The following LPA variants were observed in gnomAD, a reference collection of about 807,000 sequenced individuals.
LPA encodes apolipoprotein(a).
Under a neutral mutation model 197.9 loss-of-function variants are expected in LPA, and 199 were observed. The observed-to-expected ratio is 1.01, with a 90% CI of 0.90 to 1.13. The LOEUF is 1.13. Ranked by LOEUF, LPA falls within the 50% of genes most tolerant of loss-of-function variation. The pLI is 0.00. For synonymous variants in LPA, 715 were observed against 639.5 expected (o/e 1.12, Z -1.78); for missense variants, 1,853 against 1,785.8 (o/e 1.04, Z -0.68).
intron 1 of LPA, among the ~76,000 whole-genome samples, chr6:160,658,609 T>C (rs1780169850): frequency 6.6e-6 from 1 of 152,208 alleles, no homozygotes; most frequent in Non-Finnish European, 1.5e-5. Flanking sequence ...TCCTTGCCTC[T>C]CATAAGTGAT....
At chr6:160,555,979 C>T (rs989959919) in intron 30 of LPA, 46 bp downstream of exon 30, 10 of 1,397,346 alleles carry the variant, frequency 7.2e-6, no homozygotes, top group African/African-American at 2.8e-5. Context: ...CTAGGAGGAA[C>T]TTAAGTTGGC....
chr6:160,599,679 C>T lies in LPA; in HGVS notation c.3128-20G>A, dbSNP rs1356685332. 7 of 1,613,700 alleles carry T rather than the reference C, an allele frequency of 4.3e-6. No homozygotes were observed. The highest frequency in any genetic ancestry group is 1.3e-5 in the African/African-American group (1 of 75,036). ...TCAGTGCTGAAATTAAAACAGAAGA[C>T]ATCAAGCTTATTATTTCCTAGAACA... On this transcript the variant is annotated intron_variant, in intron 19 of 38. Transcript: ENST00000316300.
At chr6:160,537,720 G>A (rs1777915644) in intron 37 of LPA, 135 bp downstream of exon 37, 1 of 796,094 alleles carries the variant, frequency 1.3e-6, no homozygotes, top group South Asian at 1.5e-5. Context: ...ATAGACAGGT[G>A]TCCAGGCAAA....
In LPA at chr6:160,611,192, A is replaced by G. The variant is rs561879325; in HGVS notation, c.2603+370T>C. 3.4e-3 allele frequency among the ~76,000 whole-genome samples: 517 copies of G among 152,186 alleles called. 1 individual carries two copies. The highest frequency in any genetic ancestry group is 6.0e-3 in the Non-Finnish European group (408 of 67,954). On this transcript the variant is annotated intron_variant, in intron 16 of 38. Coordinates refer to ENST00000316300, the MANE Select transcript of LPA (RefSeq NM_005577.4). The stretch of plus-strand genomic sequence containing the variant: ...ATGAGCCCAGACAGAAAAGGCAAAC[A>G]CAATCTTCCCTTCAGGAATTGGAAG...
intron 22 of LPA, 22 bp downstream of exon 22, chr6:160,593,936 T>C (rs754840017): frequency 6.2e-6 from 10 of 1,612,668 alleles, no homozygotes; most frequent in Non-Finnish European, 6.8e-6. Context: ...TGTCTGTCTT[T>C]GAAGAAAACT....
intron 1 of LPA, among the ~76,000 whole-genome samples, chr6:160,661,928 C>A (rs1780233785): frequency 6.6e-6 from 1 of 152,156 alleles, no homozygotes; most frequent in South Asian, 2.1e-4. Flanking sequence ...TGTAGCAGAG[C>A]AGGCTACAAT....
rs563381430 is a variant in LPA at position 160,649,402 on chromosome 6, T to C, written c.209+936A>G. On this transcript the variant is annotated intron_variant, in intron 2 of 38. Coordinates refer to ENST00000316300, the MANE Select transcript of LPA (RefSeq NM_005577.4). ...ATGTTTAGCCAATGACTCGAGGAGA[T>C]TTCTATGCATATTTCTAGAACTCCT... 2.6e-5 allele frequency among the ~76,000 whole-genome samples: 4 copies of C among 152,288 alleles called. No individual in the cohort carries two copies. In the East Asian group the frequency reaches 7.7e-4, roughly 29 times the overall value.
At chr6:160,532,390 C>G (rs369958356) in intron 38 of LPA, 141 bp downstream of exon 38, 1 of 750,594 alleles carries the variant, frequency 1.3e-6, no homozygotes, top group African/African-American at 1.7e-5. Context: ...AGGGACAGAT[C>G]TGGGGAGTTT....
chr6:160,540,117 A>T lies in LPA; in HGVS notation c.5661T>A (p.His1887Gln). ...GAHQEVNLES[H>Q]VQEIEVSRLF... ...GCCTAGACACTTCTATTTCCTGAAC[A>T]TGAGATTCGAGGTTCACTTCTTGGT... The change falls in exon 36 of 39, where the codon CAT becomes CAA. Residue 1887 changes from histidine (H) to glutamine (Q), a missense_variant. Transcript: ENST00000316300. 6.2e-7 allele frequency: 1 copy of T among 1,614,116 alleles called. No individual in the cohort carries two copies. The highest frequency in any genetic ancestry group is 8.5e-7 in the Non-Finnish European group (1 of 1,180,016).
chr6:160,561,380 T>C (rs775603990), intron 28 of LPA, among the ~76,000 whole-genome samples: 1 of 152,176 alleles, frequency 6.6e-6, no homozygotes, highest in Non-Finnish European at 1.5e-5. Context: ...TAGTTGTAGA[T>C]GTGTGGTGTT....
chr6:160,626,161 A>T, intron 10 of LPA, among the ~76,000 whole-genome samples: 1 of 115,880 alleles, frequency 8.6e-6, no homozygotes, highest in African/African-American at 4.1e-5. Context: ...TTTTTTCCGA[A>T]ATTCCCTATG....
intron 20 of LPA, among the ~76,000 whole-genome samples, chr6:160,597,968 G>T (rs961171087): frequency 6.6e-6 from 1 of 152,178 alleles, no homozygotes; most frequent in Non-Finnish European, 1.5e-5. Flanking sequence ...CCATTTTAAT[G>T]CTTGGAGATT....
chr6:160,611,365 A>C (rs1360486993), intron 16 of LPA, among the ~76,000 whole-genome samples, 197 bp downstream of exon 16: 2 of 152,000 alleles, frequency 1.3e-5, no homozygotes, highest in Non-Finnish European at 2.9e-5. Flanking sequence ...GCTCCACAAA[A>C]CTAGGAGGAA....
intron 26 of LPA, among the ~76,000 whole-genome samples, chr6:160,581,418 G>A (rs1486706331): frequency 2.0e-5 from 3 of 152,010 alleles, no homozygotes; most frequent in African/African-American, 7.2e-5. Flanking sequence ...TCCCACCTCA[G>A]CTTCCTGAAT....
At chr6:160,568,274 A>G (rs528202025) in intron 28 of LPA, among the ~76,000 whole-genome samples, 42 of 152,186 alleles carry the variant, frequency 2.8e-4, no homozygotes, top group African/African-American at 1.0e-3. Context: ...GCAGCACATC[A>G]AAAAGCTTAT....
chr6:160,546,246 A>C lies in LPA; in HGVS notation c.5305-713T>G, dbSNP rs752522271. Among the ~76,000 whole-genome samples, 3 of 152,126 alleles carry C rather than the reference A, an allele frequency of 2.0e-5. No homozygotes were observed. In the South Asian group the frequency reaches 6.2e-4, roughly 32 times the overall value. On this transcript the variant is annotated intron_variant, in intron 32 of 38. Transcript: ENST00000316300. ...GGGGCCGAAGGTGAGCCGATCACCG[A>C]TGGCCAATGATGTAATCAACTGTGC...
At chr6:160,591,387 A>G (rs1281815198) in intron 22 of LPA, among the ~76,000 whole-genome samples, 1 of 152,148 alleles carries the variant, frequency 6.6e-6, no homozygotes, top group Non-Finnish European at 1.5e-5. Context: ...CCCTCCTTCC[A>G]CCTTCTGCCA....
At chr6:160,577,684 G>T (rs1035388554) in intron 27 of LPA, among the ~76,000 whole-genome samples, 1 of 152,110 alleles carries the variant, frequency 6.6e-6, no homozygotes, top group Admixed American at 6.5e-5. Context: ...AGACCCTTGC[G>T]CATTTCCCTA....
chr6:160,610,580 T>C (rs190032497), intron 16 of LPA, among the ~76,000 whole-genome samples: 1 of 152,288 alleles, frequency 6.6e-6, no homozygotes, highest in Admixed American at 6.5e-5. Flanking sequence ...CCATTTTCTG[T>C]GCACATGCAG....
Sources: allele counts gnomAD v4.1 joint callset (sites outside exome capture counted in the v4.1 genomes callset), GRCh38; gene constraint gnomAD v4.1.1; transcripts MANE v1.5; gene names NCBI Gene and HGNC (gene_info 2026-07-23, HGNC 2026-07-21).